Variants in HSD11B1 observed in about 807,000 individuals in gnomAD.
HSD11B1 encodes 11-beta-hydroxysteroid dehydrogenase 1.
In HSD11B1, 15 loss-of-function variants were observed where a neutral mutation model predicts 22.1. That is an observed-to-expected ratio of 0.68 (90% CI 0.45 to 1.04). HSD11B1 has a LOEUF of 1.04. Ranked by LOEUF, HSD11B1 falls within the 50% of genes least tolerant of loss-of-function variation. HSD11B1 has a pLI of 0.00. For missense variants in HSD11B1, 281 were observed against 357.6 expected (o/e 0.79, Z 1.73); for synonymous variants, 122 against 125.2 (o/e 0.97, Z 0.17).
chr1:209,707,755 C>T (rs112424264), intron 4 of HSD11B1, among the ~76,000 whole-genome samples: 9 of 152,120 alleles, frequency 5.9e-5, no homozygotes, highest in African/African-American at 2.2e-4. Context: ...TTGTCCTGGT[C>T]CTAAGTGAGA....
chr1:209,706,661 C>T lies in HSD11B1; in HGVS notation c.220-48C>T, dbSNP rs1249570992. 2 of 1,350,358 alleles carry T rather than the reference C, an allele frequency of 1.5e-6. No homozygotes were observed. The highest frequency in any genetic ancestry group is 3.4e-5 in the Admixed American group (2 of 59,626). 83.6% of individuals were successfully genotyped at this position (1,350,358 alleles called of 1,614,324 possible). A position where few individuals can be genotyped will look rare whatever the true frequency, so the allele number is the denominator to read the frequency against. ...CCCCGTTACTTCAGAGACTACCCCCCAAAAATCTGCAGCTAAGACTGATGC... is the reference window on the plus strand; with the variant it reads ...CCCCGTTACTTCAGAGACTACCCCCTAAAAATCTGCAGCTAAGACTGATGC... On this transcript the variant is annotated intron_variant, in intron 2 of 5. Coordinates refer to ENST00000367027, the MANE Select transcript of HSD11B1 (RefSeq NM_005525.4). The surrounding 1 kb of genome is among the most constrained non-coding windows in gnomAD (Gnocchi z 4.0).
chr1:209,716,873 A>G (rs140682639), intron 4 of HSD11B1, among the ~76,000 whole-genome samples: 105 of 152,308 alleles, frequency 6.9e-4, no homozygotes, highest in African/African-American at 2.4e-3. Context: ...GAATGAAACT[A>G]GATCTCTATC....
chr1:209,688,948 T>A (rs950594543), intron 1 of HSD11B1, among the ~76,000 whole-genome samples: 3 of 152,146 alleles, frequency 2.0e-5, no homozygotes, highest in Non-Finnish European at 4.4e-5. Flanking sequence ...GTCTGAGTGC[T>A]CATGATGGGA....
intron 4 of HSD11B1, among the ~76,000 whole-genome samples, chr1:209,724,737 A>G (rs2102394300): frequency 6.6e-6 from 1 of 152,342 alleles, no homozygotes; most frequent in Non-Finnish European, 1.5e-5. Context: ...GTTTCCTCAC[A>G]CAAGCTAATT....
upstream of HSD11B1, among the ~76,000 whole-genome samples, chr1:209,703,635 TG>T (rs1253923537): frequency 1.3e-5 from 2 of 152,190 alleles, no homozygotes; most frequent in African/African-American, 4.8e-5. Context: ...GAAAATTTGA[TG>T]AATGTTTCCA....
chr1:209,709,975 A>ACACACACACAC (rs1558192088), intron 4 of HSD11B1, among the ~76,000 whole-genome samples: 2 of 136,240 alleles, frequency 1.5e-5, no homozygotes, highest in East Asian at 5.0e-4. Context: ...CACACACACA[A>ACACACACACAC]AAGACTCATT....
intron 4 of HSD11B1, among the ~76,000 whole-genome samples, chr1:209,722,011 C>G (rs2076970043): frequency 6.6e-6 from 1 of 152,138 alleles, no homozygotes; most frequent in South Asian, 2.1e-4. Flanking sequence ...GATATAGACA[C>G]AGGACATTGA....
intron 4 of HSD11B1, among the ~76,000 whole-genome samples, chr1:209,717,737 T>G (rs2076938672): frequency 1.3e-5 from 2 of 151,888 alleles, no homozygotes; most frequent in Non-Finnish European, 2.9e-5. Context: ...ATGCCTGTAA[T>G]CCCAGCTACT....
intron 1 of HSD11B1, among the ~76,000 whole-genome samples, chr1:209,696,988 G>C (rs952319403): frequency 3.9e-5 from 6 of 152,212 alleles, no homozygotes; most frequent in African/African-American, 1.4e-4. Flanking sequence ...AAGGCAATGA[G>C]GGGATACAAA....
rs548172618 is a variant in HSD11B1, at chr1:209,733,008, G to A, written c.661+429G>A. On this transcript the variant is annotated intron_variant, in intron 5 of 5. Coordinates refer to ENST00000367027, the MANE Select transcript of HSD11B1 (RefSeq NM_005525.4). ...TCATTTAAAGGCATTTCTGTCACTA[G>A]TGGAGGCTCTGGCTACTCTTTGACT... Among the ~76,000 whole-genome samples, 5 of 152,314 alleles carry A rather than the reference G, an allele frequency of 3.3e-5. No homozygotes were observed. The South Asian group carries it at 1.0e-3, about 32-fold the overall frequency.
intron 4 of HSD11B1, among the ~76,000 whole-genome samples, chr1:209,721,994 G>T (rs2076969863): frequency 6.6e-6 from 1 of 152,150 alleles, no homozygotes; most frequent in African/African-American, 2.4e-5. Context: ...TGCCCTGAGC[G>T]TCGGTGGATA....
At chr1:209,710,410 T>C (rs1373127841) in intron 4 of HSD11B1, among the ~76,000 whole-genome samples, 1 of 152,178 alleles carries the variant, frequency 6.6e-6, no homozygotes, top group Non-Finnish European at 1.5e-5. Flanking sequence ...CCTCTGCTCC[T>C]TTCTCCTCTC....
intron 1 of HSD11B1, among the ~76,000 whole-genome samples, chr1:209,697,813 AT>A (rs1294525606): frequency 4.6e-5 from 7 of 150,614 alleles, no homozygotes; most frequent in African/African-American, 9.8e-5. Flanking sequence ...AGCTTTTCAA[AT>A]TAAACACAGT....
At chr1:209,719,016 T>A (rs2076947880) in intron 4 of HSD11B1, among the ~76,000 whole-genome samples, 1 of 3,330 alleles carries the variant, frequency 3.0e-4, no homozygotes, top group Non-Finnish European at 4.1e-4. Context: ...TGAGACTCCA[T>A]CTCAAAAAAA....
chr1:209,720,735 A>G lies in HSD11B1; in HGVS notation c.518-11701A>G, dbSNP rs574525327. Among the ~76,000 whole-genome samples the G allele has an allele frequency of 6.6e-5, 10 of 152,230 alleles. No individual in the cohort carries two copies. In the South Asian group the frequency reaches 1.9e-3, roughly 28 times the overall value. On this transcript the variant is annotated intron_variant, in intron 4 of 5. Transcript: ENST00000367027. ...ATTGGATCCTTTTGCTATAAAGGAT[A>G]TTATTGGCACACATGACAAAATTTG...
intron 4 of HSD11B1, among the ~76,000 whole-genome samples, chr1:209,729,366 A>T (rs1371579256): frequency 7.1e-6 from 1 of 140,014 alleles, no homozygotes; most frequent in Non-Finnish European, 1.6e-5. Context: ...CTCGGAAAAC[A>T]CACACACACA....
intron 4 of HSD11B1, among the ~76,000 whole-genome samples, chr1:209,712,552 T>C (rs1397877902): frequency 6.6e-6 from 1 of 152,202 alleles, no homozygotes; most frequent in African/African-American, 2.4e-5. Flanking sequence ...TATGAGGGAC[T>C]TGAGTATCTA....
chr1:209,734,688 A>C lies in HSD11B1; in HGVS notation c.*167A>C. 4.7e-6 allele frequency: 3 copies of C among 633,676 alleles called. No homozygotes were observed. The highest frequency in any genetic ancestry group is 2.4e-5 in the Admixed American group (1 of 41,238). 39.3% of individuals were successfully genotyped at this position (633,676 alleles called of 1,614,324 possible). A position where few individuals can be genotyped will look rare whatever the true frequency, so the allele number is the denominator to read the frequency against. On this transcript the variant is annotated 3_prime_UTR_variant, in exon 6 of 6. Coordinates refer to ENST00000367027, the MANE Select transcript of HSD11B1 (RefSeq NM_005525.4). ...AGTTCCTCTAACATTTGCAAAATGG[A>C]AATGTAATAATAATGAATGTCATGC...
At chr1:209,730,545 G>A (rs1424206948) in intron 4 of HSD11B1, among the ~76,000 whole-genome samples, 1 of 152,180 alleles carries the variant, frequency 6.6e-6, no homozygotes, top group Non-Finnish European at 1.5e-5. Flanking sequence ...TCAGGGAGAT[G>A]AGCATTTTAA....
Sources: allele counts gnomAD v4.1 joint callset (sites outside exome capture counted in the v4.1 genomes callset), GRCh38; gene constraint gnomAD v4.1.1; non-coding constraint Gnocchi (gnomAD v3.1); transcripts MANE v1.5; gene names NCBI Gene and HGNC (gene_info 2026-07-23, HGNC 2026-07-21).